DCAF6: variants seen among roughly 807,000 people sequenced by gnomAD.
DCAF6 encodes DDB1- and CUL4-associated factor 6.
In DCAF6, 54 loss-of-function variants were observed where a neutral mutation model predicts 125.1. The observed-to-expected ratio is 0.43, with a 90% CI of 0.35 to 0.54. DCAF6 has a LOEUF of 0.54. Among genes scored for constraint, DCAF6 ranks in the 20% least tolerant of loss-of-function variants. The pLI, the probability that DCAF6 is intolerant of heterozygous loss-of-function variation, is 0.01. For missense variants in DCAF6, 934 were observed against 1,161.7 expected (o/e 0.80, Z 2.85); for synonymous variants, 371 against 390.4 (o/e 0.95, Z 0.58).
In DCAF6 at chr1:168,065,510, TA is replaced by T. The variant is rs201077407; in HGVS notation, c.2440-73del. 7.0e-3 allele frequency: 7,386 copies of T among 1,057,892 alleles called. 146 individuals are homozygous for T. Among genetic ancestry groups the T allele is most frequent in the East Asian group, 0.053 (2,001 of 38,000 alleles). The allele number at this position is 1,057,892 out of a possible 1,614,324, so 65.5% of individuals were successfully genotyped here. ...TAAAAAATGTAAGAATTAAAACAAA[TA>T]AAAAAATGTAAGAGTAGCATAAATC... On this transcript the variant is annotated intron_variant, in intron 18 of 21. Transcript: ENST00000367840.
chr1:167,895,525 A>G, the DCAF6 span, among the ~76,000 whole-genome samples: 1 of 152,228 alleles, frequency 6.6e-6, no homozygotes, highest in African/African-American at 2.4e-5. Flanking sequence ...ACTTGGATGG[A>G]GTTTTCAGGG....
At chr1:167,954,294 A>G (rs1674422441) in intron 2 of DCAF6, among the ~76,000 whole-genome samples, 1 of 151,344 alleles carries the variant, frequency 6.6e-6, no homozygotes, top group African/African-American at 2.4e-5. Flanking sequence ...CACCCCACCC[A>G]CTCTGTAGTT....
At chr1:168,049,410 T>TTTGTTG (rs1265956080) in intron 16 of DCAF6, among the ~76,000 whole-genome samples, 278 of 140,480 alleles carry the variant, frequency 2.0e-3, no homozygotes, top group African/African-American at 7.7e-3. Context: ...ACTCTGCTAA[T>TTTGTTG]TTGTTGTTGT....
At chr1:168,011,262 C>T (rs1469599092) in intron 10 of DCAF6, among the ~76,000 whole-genome samples, 1 of 152,130 alleles carries the variant, frequency 6.6e-6, no homozygotes, top group African/African-American at 2.4e-5. Flanking sequence ...ACTACAGGCA[C>T]ATGCCACCAT....
intron 12 of DCAF6, among the ~76,000 whole-genome samples, chr1:168,036,081 C>G (rs1186773032): frequency 3.3e-5 from 5 of 151,918 alleles, no homozygotes; most frequent in African/African-American, 1.2e-4. Context: ...AAAAACAAAA[C>G]AAAACAAAAA....
At chr1:168,066,324 T>G (rs867740256) in intron 19 of DCAF6, 53 bp from the exon 20 acceptor site, 9 of 1,204,994 alleles carry the variant, frequency 7.5e-6, no homozygotes, top group Middle Eastern at 5.2e-4. Flanking sequence ...TATAAGCATA[T>G]CCTGAATTGC....
At chr1:167,877,230 A>G in the DCAF6 span, among the ~76,000 whole-genome samples, 1 of 149,700 alleles carries the variant, frequency 6.7e-6, no homozygotes, top group Admixed American at 6.7e-5. Flanking sequence ...GGAAATTATA[A>G]TAGTTTCTAT....
intron 3 of DCAF6, among the ~76,000 whole-genome samples, chr1:167,968,809 G>A (rs1031078207): frequency 6.6e-6 from 1 of 152,174 alleles, no homozygotes; most frequent in African/African-American, 2.4e-5. Context: ...AACTGGCAAA[G>A]GAAAAATATT....
At chr1:167,886,164 C>A in the DCAF6 span, among the ~76,000 whole-genome samples, 3 of 152,118 alleles carry the variant, frequency 2.0e-5, no homozygotes, top group Admixed American at 6.6e-5. Context: ...ATCAAGCTAC[C>A]AATGACTTTC....
At chr1:168,047,265 T>A (rs1236376597) in intron 16 of DCAF6, among the ~76,000 whole-genome samples, 1 of 152,108 alleles carries the variant, frequency 6.6e-6, no homozygotes, top group Admixed American at 6.6e-5. Flanking sequence ...GTCACAAAGT[T>A]GGTTCCCAAT....
intron 11 of DCAF6, among the ~76,000 whole-genome samples, chr1:168,018,178 G>C (rs560740498): frequency 1.3e-5 from 2 of 152,212 alleles, no homozygotes; most frequent in Non-Finnish European, 2.9e-5. Context: ...ATTTTTAGTG[G>C]GCTCAAATGG....
chr1:168,044,649 A>G lies in DCAF6; in HGVS notation c.1908A>G (p.Pro636=), dbSNP rs1283182615. The change falls in exon 15 of 22, where the codon CCA becomes CCG. Residue 636 remains proline, a synonymous_variant. Transcript: ENST00000367840. ...AGGAAGGAGTATCTGCAGAAAACCC[A>G]GTTGAGAACCATATCAATATAAGTG... ...KYQEGVSAEN[P]VENHINITQS... 4 of 1,612,544 alleles carry G rather than the reference A, an allele frequency of 2.5e-6. No individual in the cohort carries two copies. In the Admixed American group the frequency reaches 6.7e-5, roughly 27 times the overall value.
rs550832699 is a variant in DCAF6, at chr1:168,046,531, T to A, written c.2258+1304T>A. On this transcript the variant is annotated intron_variant, in intron 16 of 21. Transcript: ENST00000367840. ...TGCCATGGCACTTTTTTTGTAGATA[T>A]GAAGCAAGAATTTCCCATGTTTATA... 2.0e-5 allele frequency among the ~76,000 whole-genome samples: 3 copies of A among 152,286 alleles called. No individual in the cohort carries two copies. In the South Asian group the frequency reaches 6.2e-4, roughly 32 times the overall value.
At chr1:168,027,531 C>T (rs1686497144) in intron 12 of DCAF6, among the ~76,000 whole-genome samples, 1 of 152,032 alleles carries the variant, frequency 6.6e-6, no homozygotes, top group African/African-American at 2.4e-5. Context: ...ATACTTTTAA[C>T]AAAACACGAA....
chr1:167,977,715 A>G (rs528720235), intron 4 of DCAF6, among the ~76,000 whole-genome samples: 8 of 152,270 alleles, frequency 5.3e-5, no homozygotes, highest in Admixed American at 5.2e-4. Flanking sequence ...AGTCTGGGGA[A>G]ATTCTGATTA....
chr1:167,946,125 T>A (rs1673048074), intron 1 of DCAF6, among the ~76,000 whole-genome samples: 1 of 151,298 alleles, frequency 6.6e-6, no homozygotes, highest in African/African-American at 2.4e-5. Context: ...CCCGGCTAAT[T>A]TTTGTAGTTT....
At chr1:168,038,927 C>T (rs180986223) in intron 13 of DCAF6, among the ~76,000 whole-genome samples, 1 of 151,956 alleles carries the variant, frequency 6.6e-6, no homozygotes, top group African/African-American at 2.4e-5. Context: ...ACTGTATTCT[C>T]CCCTGCATTT....
At chr1:167,918,742 C>T in the DCAF6 span, among the ~76,000 whole-genome samples, 4 of 151,658 alleles carry the variant, frequency 2.6e-5, no homozygotes, top group East Asian at 3.9e-4. Context: ...TACAGGCGCC[C>T]GCCACCACTT....
At chr1:167,982,304 C>T (rs529500834) in intron 4 of DCAF6, among the ~76,000 whole-genome samples, 60 of 152,030 alleles carry the variant, frequency 3.9e-4, no homozygotes, top group Non-Finnish European at 6.9e-4. Flanking sequence ...TGCAGTGGTG[C>T]GATCTCGGCT....
Sources: allele counts gnomAD v4.1 joint callset (sites outside exome capture counted in the v4.1 genomes callset), GRCh38; gene constraint gnomAD v4.1.1; transcripts MANE v1.5; gene names NCBI Gene and HGNC (gene_info 2026-07-23, HGNC 2026-07-21).